Variants in DIS3L2 observed in about 807,000 individuals in gnomAD.
DIS3L2 encodes DIS3-like exonuclease 2.
DIS3L2 carries 34 observed loss-of-function variants against 97.5 expected under a neutral mutation model. The ratio of observed to expected loss-of-function variants is 0.35; its 90% CI spans 0.27 to 0.46. The LOEUF (loss-of-function observed/expected upper bound fraction) is 0.46. Ranked by LOEUF, DIS3L2 falls within the 20% of genes least tolerant of loss-of-function variation. The pLI is 1.00. For synonymous variants in DIS3L2, 435 were observed against 445.2 expected (o/e 0.98, Z 0.29); for missense variants, 1,038 against 1,146.0 (o/e 0.91, Z 1.36).
At chr2:232,080,555 T>G (rs763328648) in intron 5 of DIS3L2, among the ~76,000 whole-genome samples, 2 of 152,114 alleles carry the variant, frequency 1.3e-5, no homozygotes, top group Non-Finnish European at 2.9e-5. Context: ...AATCACTATT[T>G]ACATTTCTCA....
intron 4 of DIS3L2, among the ~76,000 whole-genome samples, chr2:232,025,163 A>G (rs998330880): frequency 7.2e-5 from 11 of 152,142 alleles, no homozygotes; most frequent in African/African-American, 2.4e-4. Flanking sequence ...GTACTTTATA[A>G]ATGTCATTAT....
At chr2:232,238,710 G>A in intron 11 of DIS3L2, 65 bp downstream of exon 11, 1 of 1,396,388 alleles carries the variant, frequency 7.2e-7, no homozygotes, top group African/African-American at 1.4e-5. Context: ...CTGGAAGAGT[G>A]TGTGCTCTCT....
intron 1 of DIS3L2, among the ~76,000 whole-genome samples, chr2:231,965,106 A>T (rs148481077): frequency 6.2e-4 from 95 of 152,340 alleles, no homozygotes; most frequent in Non-Finnish European, 8.8e-4. Context: ...TGACATCTAA[A>T]ATAGTGAAGT....
chr2:232,190,620 G>A (rs1691593438), intron 9 of DIS3L2, among the ~76,000 whole-genome samples: 1 of 152,004 alleles, frequency 6.6e-6, no homozygotes, highest in African/African-American at 2.4e-5. Flanking sequence ...AAGGAAGAAA[G>A]GAAGAAAGAA....
At chr2:232,127,512 A>G (rs1389160772) in intron 6 of DIS3L2, among the ~76,000 whole-genome samples, 1 of 152,072 alleles carries the variant, frequency 6.6e-6, no homozygotes. Flanking sequence ...TGCCTTGACT[A>G]TTGCAGTAGC....
intron 10 of DIS3L2, among the ~76,000 whole-genome samples, chr2:232,219,129 C>G (rs756839508): frequency 6.6e-6 from 1 of 152,222 alleles, no homozygotes. Context: ...CATAAACCTC[C>G]GCAGAACTTT....
chr2:232,333,757 GT>G, intron 16 of DIS3L2, 82 bp from the exon 17 acceptor site: 60 of 1,393,374 alleles, frequency 4.3e-5, no homozygotes, highest in Admixed American at 2.4e-4. Context: ...GCTGCCGACG[GT>G]GAGGCTGTGG....
intron 10 of DIS3L2, among the ~76,000 whole-genome samples, chr2:232,233,829 A>C (rs1258163486): frequency 1.3e-5 from 2 of 152,222 alleles, no homozygotes; most frequent in East Asian, 3.8e-4. Flanking sequence ...GATTTTAAAG[A>C]GCTTGTTCAT....
At chr2:232,143,067 G>C (rs1408544491) in intron 8 of DIS3L2, among the ~76,000 whole-genome samples, 1 of 152,168 alleles carries the variant, frequency 6.6e-6, no homozygotes, top group Non-Finnish European at 1.5e-5. Flanking sequence ...ATATTTAGTA[G>C]AGGAAAGATG....
intron 13 of DIS3L2, among the ~76,000 whole-genome samples, chr2:232,277,764 G>A (rs2106297204): frequency 6.6e-6 from 1 of 152,268 alleles, no homozygotes; most frequent in South Asian, 2.1e-4. Flanking sequence ...ACATCATAGG[G>A]TGTACTTAGA....
intron 5 of DIS3L2, among the ~76,000 whole-genome samples, chr2:232,070,390 G>T (rs115637528): frequency 1.6e-3 from 243 of 152,186 alleles, no homozygotes; most frequent in African/African-American, 5.4e-3. Context: ...AACTTGGTGT[G>T]ATATTCTGTC....
intron 6 of DIS3L2, among the ~76,000 whole-genome samples, chr2:232,115,766 T>C (rs1378677048): frequency 6.6e-6 from 1 of 152,206 alleles, no homozygotes; most frequent in Non-Finnish European, 1.5e-5. Flanking sequence ...ACTGTGATTG[T>C]AAGTTTCCTG....
chr2:232,342,584 C>T (rs1486775524), intron 13 of DIS3L2, among the ~76,000 whole-genome samples: 1 of 152,214 alleles, frequency 6.6e-6, no homozygotes, highest in Admixed American at 6.5e-5. Flanking sequence ...GATTCCAAGG[C>T]TTCTTGTACA....
intron 10 of DIS3L2, among the ~76,000 whole-genome samples, chr2:232,237,129 G>A (rs971799662): frequency 6.6e-6 from 1 of 152,144 alleles, no homozygotes; most frequent in African/African-American, 2.4e-5. Context: ...ACATGTATAT[G>A]TATGTACGTA....
chr2:232,028,295 A>G (rs1327194220), intron 4 of DIS3L2, among the ~76,000 whole-genome samples: 2 of 152,126 alleles, frequency 1.3e-5, no homozygotes. Flanking sequence ...TCAAACAAAG[A>G]GCTGAAATCT....
At chr2:232,198,206 T>C (rs1691808106) in intron 9 of DIS3L2, among the ~76,000 whole-genome samples, 1 of 152,264 alleles carries the variant, frequency 6.6e-6, no homozygotes, top group South Asian at 2.1e-4. Context: ...ATTGTTATAA[T>C]TCTATCCCCT....
chr2:232,338,333 G>C (rs576941237), downstream of DIS3L2, among the ~76,000 whole-genome samples: 138 of 152,312 alleles, frequency 9.1e-4, 1 homozygote, highest in Middle Eastern at 3.4e-3. Context: ...CTATGTCCCA[G>C]CGCCCCCAGG....
At chr2:232,064,750 G>C (rs1301010176) in intron 5 of DIS3L2, among the ~76,000 whole-genome samples, 1 of 152,038 alleles carries the variant, frequency 6.6e-6, no homozygotes, top group Admixed American at 6.6e-5. Context: ...TATCTCCTTT[G>C]TTATTGTTTG....
intron 8 of DIS3L2, among the ~76,000 whole-genome samples, chr2:232,147,376 T>C (rs1690248210): frequency 6.6e-6 from 1 of 152,176 alleles, no homozygotes; most frequent in Admixed American, 6.5e-5. Context: ...AACTAGTTTT[T>C]TTCTCTTAAC....
Sources: allele counts gnomAD v4.1 joint callset (sites outside exome capture counted in the v4.1 genomes callset), GRCh38; gene constraint gnomAD v4.1.1; transcripts MANE v1.5; gene names NCBI Gene and HGNC (gene_info 2026-07-23, HGNC 2026-07-21).